Variants in PFKFB1 observed in about 807,000 individuals in gnomAD.
PFKFB1 encodes the protein 6-phosphofructo-2-kinase/fructose-2,6-bisphosphatase 1.
PFKFB1 carries 34 observed loss-of-function variants against 46.4 expected under a neutral mutation model. The observed-to-expected ratio is 0.73, with a 90% CI of 0.56 to 0.98. PFKFB1 has a LOEUF of 0.98. Among genes scored for constraint, PFKFB1 ranks in the 50% least tolerant of loss-of-function variants. PFKFB1 has a pLI of 0.00. For synonymous variants in PFKFB1, 119 were observed against 133.8 expected (o/e 0.89, Z 0.76); for missense variants, 393 against 376.3 (o/e 1.04, Z -0.37).
At position 54,974,136 on chromosome X, in the gene PFKFB1, G is replaced by A. The variant is rs754839396; in HGVS notation, c.98-10754C>T. On this transcript the variant is annotated intron_variant, in intron 1 of 13. Transcript: ENST00000375006. ...GCTGATCCTGAAACTCATATGGAAG[G>A]GCTAAGAAACTACAATGGCCAAAAC... Among the ~76,000 whole-genome samples, 15 of 110,954 alleles carry A rather than the reference G, an allele frequency of 1.4e-4. No individual in the cohort carries two copies. In the South Asian group the frequency reaches 4.2e-3, roughly 31 times the overall value.
intron 1 of PFKFB1, among the ~76,000 whole-genome samples, chrX:54,981,916 G>A (rs1032986999): frequency 9.0e-6 from 1 of 111,426 alleles, no homozygotes; most frequent in Non-Finnish European, 1.9e-5. Flanking sequence ...TTCAGAGAGA[G>A]AGAAAGCATC....
intron 6 of PFKFB1, among the ~76,000 whole-genome samples, chrX:54,957,075 C>T (rs1320998981): frequency 1.8e-5 from 2 of 111,805 alleles, no homozygotes; most frequent in East Asian, 5.6e-4. Context: ...GCAGGTGGCT[C>T]ATGGCTTGTC....
In PFKFB1 at chrX:54,933,702, C is replaced by T. The variant is rs188793182; in HGVS notation, c.1356+119G>A. The T allele has an allele frequency of 3.4e-4, 204 of 605,515 alleles. No homozygotes were observed. The African/African-American group carries it at 4.1e-3, about 12-fold the overall frequency. 49.9% of individuals were successfully genotyped at this position (605,515 alleles called of 1,213,427 possible). ...TCTGCATTTCTGGGTGCTGTTTGCT[C>T]CATCTGTTGGTGCAAAACACCCAGG... On this transcript the variant is annotated intron_variant, in intron 13 of 13. Coordinates refer to ENST00000375006, the MANE Select transcript of PFKFB1 (RefSeq NM_002625.4).
At chrX:54,949,407 A>G (rs1044969177) in intron 8 of PFKFB1, among the ~76,000 whole-genome samples, 186 bp from the exon 9 acceptor site, 2 of 98,485 alleles carry the variant, frequency 2.0e-5, no homozygotes, top group African/African-American at 8.1e-5. Context: ...GGGCCAAGGG[A>G]ATAGAAAAGA....
At chrX:54,969,818 G>A (rs946725338) in intron 1 of PFKFB1, among the ~76,000 whole-genome samples, 3 of 111,869 alleles carry the variant, frequency 2.7e-5, no homozygotes, top group Non-Finnish European at 5.6e-5. Context: ...GTAATATAAG[G>A]CATGCAAATT....
At chrX:54,956,955 C>T (rs1447829288) in intron 6 of PFKFB1, among the ~76,000 whole-genome samples, 2 of 112,155 alleles carry the variant, frequency 1.8e-5, no homozygotes, top group Non-Finnish European at 3.8e-5. Context: ...ATTCACCATA[C>T]TGGCAGCCAG....
intron 1 of PFKFB1, among the ~76,000 whole-genome samples, chrX:54,965,170 AC>A (rs1271282327): frequency 8.9e-6 from 1 of 112,015 alleles, no homozygotes; most frequent in Non-Finnish European, 1.9e-5. Context: ...CTGACACCAA[AC>A]CACAGATTCA....
intron 1 of PFKFB1, among the ~76,000 whole-genome samples, chrX:54,980,602 G>A (rs1934958020): frequency 9.1e-6 from 1 of 109,470 alleles, no homozygotes; most frequent in African/African-American, 3.3e-5. Flanking sequence ...GCTCAATCGT[G>A]GAGGGAAACA....
At chrX:54,958,964 G>A (rs748701442) in intron 4 of PFKFB1, 39 bp from the exon 5 acceptor site, 75 of 877,630 alleles carry the variant, frequency 8.5e-5, no homozygotes, top group Middle Eastern at 2.7e-4. Context: ...TCTGAATCTG[G>A]TGCTAACAGA....
intron 10 of PFKFB1, among the ~76,000 whole-genome samples, chrX:54,940,780 T>C (rs1157315095): frequency 9.0e-6 from 1 of 111,330 alleles, no homozygotes; most frequent in African/African-American, 3.3e-5. Context: ...TGCTCATGGG[T>C]AGGAAGAATC....
upstream of PFKFB1, among the ~76,000 whole-genome samples, chrX:54,998,075 C>T (rs1950991927): frequency 8.9e-6 from 1 of 111,911 alleles, no homozygotes; most frequent in Non-Finnish European, 1.9e-5. Flanking sequence ...CACAGCAAAT[C>T]AACCCTACTT....
chrX:54,937,256 G>A (rs974078721), intron 11 of PFKFB1, among the ~76,000 whole-genome samples: 4 of 111,649 alleles, frequency 3.6e-5, no homozygotes, highest in Non-Finnish European at 7.5e-5. Flanking sequence ...GACTGTTAAC[G>A]TTGGCTTTGA....
chrX:54,960,692 G>A, intron 3 of PFKFB1, 132 bp downstream of exon 3: 2 of 326,170 alleles, frequency 6.1e-6, no homozygotes, highest in Non-Finnish European at 1.1e-5. Flanking sequence ...TGGAAGGGCT[G>A]TTCCAACTAC....
At chrX:54,996,430 T>G (rs1414000199), upstream of PFKFB1, among the ~76,000 whole-genome samples, 1 of 112,284 alleles carries the variant, frequency 8.9e-6, no homozygotes, top group Non-Finnish European at 1.9e-5. Context: ...ATGTTTACAA[T>G]TTTGTCCTCA....
intron 10 of PFKFB1, among the ~76,000 whole-genome samples, chrX:54,943,519 A>C (rs948909885): frequency 8.9e-6 from 1 of 112,012 alleles, no homozygotes; most frequent in Non-Finnish European, 1.9e-5. Context: ...TGGGAGGCCG[A>C]GGTGGGTGGA....
intron 1 of PFKFB1, among the ~76,000 whole-genome samples, chrX:54,968,761 C>A (rs962640585): frequency 9.0e-6 from 1 of 110,967 alleles, no homozygotes; most frequent in Non-Finnish European, 1.9e-5. Flanking sequence ...ATACCCAGGT[C>A]CAGACGGTTT....
intron 10 of PFKFB1, among the ~76,000 whole-genome samples, chrX:54,937,952 G>T (rs1390254199): frequency 1.8e-5 from 2 of 111,824 alleles, no homozygotes; most frequent in East Asian, 5.6e-4. Context: ...CAATACAGTG[G>T]ACTAAATAAC....
Position 54,969,352 on chromosome X carries a change from G to A in PFKFB1, c.98-5970C>T, listed in dbSNP as rs146243550. Among the ~76,000 whole-genome samples the A allele has an allele frequency of 1.2e-4, 13 of 111,591 alleles. No homozygotes were observed. In the East Asian group the frequency reaches 3.7e-3, roughly 32 times the overall value. ...CCCCCACACTCGCATGCACAGGCAC[G>A]CACATAAGCACACTCTCTCTTGCCC... On this transcript the variant is annotated intron_variant, in intron 1 of 13. Transcript: ENST00000375006.
chrX:54,963,196 A>G (rs992152466), intron 2 of PFKFB1, 61 bp downstream of exon 2: 1 of 1,173,751 alleles, frequency 8.5e-7, no homozygotes. Flanking sequence ...CTTCTACCTA[A>G]GTAAGGTTTT....
Sources: allele counts gnomAD v4.1 joint callset (sites outside exome capture counted in the v4.1 genomes callset), GRCh38; gene constraint gnomAD v4.1.1; transcripts MANE v1.5; gene names NCBI Gene and HGNC (gene_info 2026-07-23, HGNC 2026-07-21).